Variants in ZNF804A observed in about 807,000 individuals in gnomAD.
ZNF804A encodes the protein zinc finger protein 804A.
In ZNF804A, 2 loss-of-function variants were observed where a neutral mutation model predicts 16.5. The ratio of observed to expected loss-of-function variants is 0.12; its 90% CI spans 0.05 to 0.38. The LOEUF is 0.38. ZNF804A is among the 10% of genes least tolerant of loss of function. The probability of loss-of-function intolerance (pLI) is 0.99; values close to 1 mark genes in which losing one functional copy is unlikely to be tolerated. For synonymous variants in ZNF804A, 534 were observed against 489.6 expected (o/e 1.09, Z -1.20); for missense variants, 1,473 against 1,390.7 (o/e 1.06, Z -0.94).
intron 1 of ZNF804A, among the ~76,000 whole-genome samples, chr2:184,614,820 T>A (rs1457104747): frequency 6.6e-6 from 1 of 152,038 alleles, no homozygotes; most frequent in African/African-American, 2.4e-5. Flanking sequence ...GAAATGCAAA[T>A]CAAAACCACA....
At chr2:184,821,262 C>T (rs1044711720) in intron 1 of ZNF804A, among the ~76,000 whole-genome samples, 3 of 151,978 alleles carry the variant, frequency 2.0e-5, no homozygotes, top group Non-Finnish European at 4.4e-5. Flanking sequence ...TAAAACTGCA[C>T]ACCTACAACC....
intron 1 of ZNF804A, among the ~76,000 whole-genome samples, chr2:184,684,784 C>T (rs1263311779): frequency 6.6e-6 from 1 of 152,142 alleles, no homozygotes; most frequent in Non-Finnish European, 1.5e-5. Context: ...ATTTAGCTCC[C>T]ACTTATAAGT....
chr2:184,818,999 A>T (rs1253217989), intron 1 of ZNF804A, among the ~76,000 whole-genome samples: 3 of 152,086 alleles, frequency 2.0e-5, no homozygotes, highest in Admixed American at 2.0e-4. Flanking sequence ...TAGACAGATC[A>T]TTGAGACAGA....
chr2:184,737,304 A>C (rs1387447940), intron 1 of ZNF804A, among the ~76,000 whole-genome samples: 1 of 151,714 alleles, frequency 6.6e-6, no homozygotes, highest in African/African-American at 2.4e-5. Context: ...CTCGTGATCC[A>C]CCTGCCCCGG....
intron 1 of ZNF804A, among the ~76,000 whole-genome samples, chr2:184,847,156 TG>T (rs1695532159): frequency 1.3e-5 from 2 of 152,138 alleles, no homozygotes; most frequent in African/African-American, 4.8e-5. Context: ...ACTGTTGAGT[TG>T]TACTCAATTT....
At chr2:184,644,677 CTCTT>C (rs1165524151) in intron 1 of ZNF804A, among the ~76,000 whole-genome samples, 1 of 151,930 alleles carries the variant, frequency 6.6e-6, no homozygotes, top group Non-Finnish European at 1.5e-5. Context: ...AGATAAGACA[CTCTT>C]TCAAATTCTA....
At chr2:184,618,675 T>G (rs907942008) in intron 1 of ZNF804A, among the ~76,000 whole-genome samples, 4 of 152,048 alleles carry the variant, frequency 2.6e-5, no homozygotes, top group Non-Finnish European at 4.4e-5. Context: ...TTTTAAAAAT[T>G]CCTAGTTCTG....
chr2:184,834,780 G>A (rs1012182018), intron 1 of ZNF804A, among the ~76,000 whole-genome samples: 3 of 152,048 alleles, frequency 2.0e-5, no homozygotes, highest in African/African-American at 7.2e-5. Context: ...TTACATTCCT[G>A]TTAGAAATAT....
intron 1 of ZNF804A, among the ~76,000 whole-genome samples, chr2:184,625,940 C>T (rs1322248055): frequency 6.6e-6 from 1 of 152,156 alleles, no homozygotes; most frequent in East Asian, 1.9e-4. Flanking sequence ...ATGATCTCTG[C>T]TCAGTGCAAG....
At chr2:184,887,144 A>G (rs1004303043) in intron 2 of ZNF804A, among the ~76,000 whole-genome samples, 2 of 152,156 alleles carry the variant, frequency 1.3e-5, no homozygotes, top group African/African-American at 4.8e-5. Flanking sequence ...ACATACTCTA[A>G]ATCATCTCTC....
At chr2:184,720,086 A>C (rs1016688918) in intron 1 of ZNF804A, among the ~76,000 whole-genome samples, 1 of 152,152 alleles carries the variant, frequency 6.6e-6, no homozygotes, top group Admixed American at 6.6e-5. Context: ...TGCACACCTC[A>C]TACAGTGGCA....
intron 1 of ZNF804A, among the ~76,000 whole-genome samples, chr2:184,795,853 C>A (rs538754665): frequency 6.6e-6 from 1 of 152,144 alleles, no homozygotes; most frequent in Non-Finnish European, 1.5e-5. Context: ...AAAGATACAG[C>A]CCTCCTAGCT....
intron 2 of ZNF804A, among the ~76,000 whole-genome samples, chr2:184,896,001 T>C (rs920471791): frequency 3.4e-4 from 51 of 152,180 alleles, no homozygotes; most frequent in African/African-American, 1.2e-3. Flanking sequence ...ATTCATACTA[T>C]AAACATATAT....
chr2:184,868,054 A>G (rs1025418398), intron 2 of ZNF804A, among the ~76,000 whole-genome samples: 4 of 152,082 alleles, frequency 2.6e-5, no homozygotes, highest in African/African-American at 7.2e-5. Context: ...TGAACTTAGT[A>G]TACTATATAT....
intron 2 of ZNF804A, among the ~76,000 whole-genome samples, chr2:184,918,738 T>G (rs953087938): frequency 6.6e-6 from 1 of 152,200 alleles, no homozygotes; most frequent in African/African-American, 2.4e-5. Context: ...CAAAGGTTTA[T>G]GTAAAAAGAC....
chr2:184,867,899 G>A (rs1695899636), intron 2 of ZNF804A, among the ~76,000 whole-genome samples: 1 of 152,048 alleles, frequency 6.6e-6, no homozygotes. Flanking sequence ...GTCTCATTGT[G>A]TAAAGTAGGT....
chr2:184,839,099 C>T (rs540842743), intron 1 of ZNF804A, among the ~76,000 whole-genome samples: 62 of 152,076 alleles, frequency 4.1e-4, no homozygotes, highest in African/African-American at 1.2e-3. Flanking sequence ...ATGTTCATGA[C>T]GTACTTTAAG....
chr2:184,794,221 A>T (rs1694595541), intron 1 of ZNF804A, among the ~76,000 whole-genome samples: 1 of 151,968 alleles, frequency 6.6e-6, no homozygotes, highest in Non-Finnish European at 1.5e-5. Context: ...CACTGCATCC[A>T]CGTCAACATC....
chr2:184,606,063 T>C (rs1691139863), intron 1 of ZNF804A, among the ~76,000 whole-genome samples: 1 of 152,202 alleles, frequency 6.6e-6, no homozygotes, highest in Non-Finnish European at 1.5e-5. Flanking sequence ...GTCAATGGTG[T>C]GTTCAAATTA....
Sources: allele counts gnomAD v4.1 joint callset (sites outside exome capture counted in the v4.1 genomes callset), GRCh38; gene constraint gnomAD v4.1.1; transcripts MANE v1.5; gene names NCBI Gene and HGNC (gene_info 2026-07-23, HGNC 2026-07-21).